The following PRDM5 variants were observed in gnomAD, a reference collection of about 807,000 sequenced individuals.
PRDM5 encodes the protein PR/SET domain 5.
Under a neutral mutation model 81.2 loss-of-function variants are expected in PRDM5, and 56 were observed. The observed-to-expected ratio is 0.69, with a 90% CI of 0.56 to 0.86. PRDM5 has a LOEUF of 0.86. PRDM5 is among the 40% of genes least tolerant of loss of function. PRDM5 has a pLI of 0.00. For missense variants in PRDM5, 697 were observed against 770.1 expected, an observed-to-expected ratio of 0.91 and a Z score of 1.12; for synonymous variants, 267 against 256.4, an observed-to-expected ratio of 1.04 and a Z score of -0.39.
intron 15 of PRDM5, among the ~76,000 whole-genome samples, chr4:120,704,610 T>C (rs1200256359): frequency 6.6e-6 from 1 of 152,228 alleles, no homozygotes; most frequent in Non-Finnish European, 1.5e-5. Flanking sequence ...CCACTTCTGC[T>C]AGGAACAAAA....
intron 7 of PRDM5, among the ~76,000 whole-genome samples, chr4:120,814,899 T>A (rs977023025): frequency 6.6e-6 from 1 of 152,178 alleles, no homozygotes; most frequent in Non-Finnish European, 1.5e-5. Flanking sequence ...AAAATATATA[T>A]AAAACAAGAT....
At chr4:120,894,230 T>G (rs943790872) in intron 2 of PRDM5, among the ~76,000 whole-genome samples, 2 of 152,220 alleles carry the variant, frequency 1.3e-5, no homozygotes, top group African/African-American at 4.8e-5. Context: ...ACTTAATAAA[T>G]TTACTTACTA....
In PRDM5 at chr4:120,853,671, G is replaced by A. The variant is rs934192605; in HGVS notation, c.178-131C>T. Reference sequence around the variant, plus strand: ...ATTGATGGGTGATAAATAGAAGTTGGACTAACATGCATTCTTCTCTTAAAC... The same window carrying A: ...ATTGATGGGTGATAAATAGAAGTTGAACTAACATGCATTCTTCTCTTAAAC... On this transcript the variant is annotated intron_variant, in intron 2 of 15. Transcript: ENST00000264808. 23 of 1,171,576 alleles carry A rather than the reference G, an allele frequency of 2.0e-5. No homozygotes were observed. The African/African-American group carries it at 3.2e-4, about 16-fold the overall frequency. The allele number at this position is 1,171,576 out of a possible 1,614,324, so 72.6% of individuals were successfully genotyped here.
At chr4:120,861,992 A>C (rs1438308546) in intron 2 of PRDM5, among the ~76,000 whole-genome samples, 1 of 152,146 alleles carries the variant, frequency 6.6e-6, no homozygotes, top group Non-Finnish European at 1.5e-5. Flanking sequence ...AGTTTTCTAA[A>C]GCTATTAAAA....
At chr4:120,794,232 C>T (rs1751011876) in intron 10 of PRDM5, among the ~76,000 whole-genome samples, 1 of 152,096 alleles carries the variant, frequency 6.6e-6, no homozygotes, top group South Asian at 2.1e-4. Context: ...GAAGAGTAAC[C>T]TGATGCAAAA....
chr4:120,729,083 A>G (rs1317945051), intron 14 of PRDM5, among the ~76,000 whole-genome samples: 1 of 152,170 alleles, frequency 6.6e-6, no homozygotes, highest in African/African-American at 2.4e-5. Flanking sequence ...ATAGAGATGA[A>G]GTCTCAAGCA....
chr4:120,716,295 A>T (rs1188025861), intron 14 of PRDM5, among the ~76,000 whole-genome samples: 7 of 152,180 alleles, frequency 4.6e-5, no homozygotes, highest in African/African-American at 1.7e-4. Context: ...TTATATATGC[A>T]TGTTGGCAGA....
chr4:120,701,857 T>G (rs1735423019), intron 15 of PRDM5, among the ~76,000 whole-genome samples: 1 of 152,110 alleles, frequency 6.6e-6, no homozygotes, highest in Admixed American at 6.6e-5. Flanking sequence ...AGAGGTAATT[T>G]TTTCTTCCCA....
At chr4:120,866,725 C>T (rs1010294684) in intron 2 of PRDM5, among the ~76,000 whole-genome samples, 7 of 152,162 alleles carry the variant, frequency 4.6e-5, no homozygotes, top group African/African-American at 1.7e-4. Context: ...AATACACTCA[C>T]TACCTTGGTC....
intron 10 of PRDM5, among the ~76,000 whole-genome samples, chr4:120,793,241 C>T (rs1750844575): frequency 6.6e-6 from 1 of 152,080 alleles, no homozygotes; most frequent in South Asian, 2.1e-4. Context: ...TTGTGAACTG[C>T]ACACACAAGG....
chr4:120,794,775 C>A (rs1309208840), intron 10 of PRDM5, among the ~76,000 whole-genome samples: 1 of 152,078 alleles, frequency 6.6e-6, no homozygotes. Context: ...AGGCGTGCGC[C>A]ACAACACCCG....
chr4:120,812,510 T>G (rs1753985298), intron 7 of PRDM5: 1 of 167,368 alleles, frequency 6.0e-6, no homozygotes, highest in Non-Finnish European at 1.3e-5. Flanking sequence ...GATTTGCATT[T>G]TTTTCTGATG....
At chr4:120,863,359 C>T (rs1340374065) in intron 2 of PRDM5, among the ~76,000 whole-genome samples, 1 of 151,660 alleles carries the variant, frequency 6.6e-6, no homozygotes, top group Non-Finnish European at 1.5e-5. Context: ...ACACCTACTA[C>T]GTACTGTAAT....
chr4:120,829,478 T>C (rs1756449824), intron 3 of PRDM5, among the ~76,000 whole-genome samples: 1 of 152,130 alleles, frequency 6.6e-6, no homozygotes, highest in Non-Finnish European at 1.5e-5. Context: ...TCTATCCTAA[T>C]GAACTCATGC....
chr4:120,735,115 C>T (rs1017065497), intron 14 of PRDM5, among the ~76,000 whole-genome samples: 1 of 152,176 alleles, frequency 6.6e-6, no homozygotes, highest in Non-Finnish European at 1.5e-5. Context: ...CATGTAACAA[C>T]TGTTTGAAGT....
At chr4:120,879,799 T>C (rs760844204) in intron 2 of PRDM5, among the ~76,000 whole-genome samples, 91 of 151,990 alleles carry the variant, frequency 6.0e-4, no homozygotes, top group South Asian at 1.5e-3. Flanking sequence ...CAATTGATTA[T>C]GAGATTCTGG....
At position 120,886,490 on chromosome 4, in the gene PRDM5, T is replaced by C. The variant is rs538879655; in HGVS notation, c.177+20984A>G. Among the ~76,000 whole-genome samples the C allele has an allele frequency of 5.3e-5, 8 of 152,246 alleles. No homozygotes were observed. In the South Asian group the frequency reaches 1.5e-3, roughly 28 times the overall value. On this transcript the variant is annotated intron_variant, in intron 2 of 15. Coordinates refer to ENST00000264808, the MANE Select transcript of PRDM5 (RefSeq NM_018699.4). ...CAATCTGCTCCTTTAAAGACTATAT[T>C]TCAGTCAAATCAACATCATCATGAA...
rs1487385598 is a variant in PRDM5, at chr4:120,744,929, T to G, written c.1623+9624A>C. ...AGAGGGAATCCTCCCTAACTCATTTTATAAGGCCAGCATCATTCTGATACC... is the reference window on the plus strand; with the variant it reads ...AGAGGGAATCCTCCCTAACTCATTTGATAAGGCCAGCATCATTCTGATACC... On this transcript the variant is annotated intron_variant, in intron 14 of 15. Coordinates refer to ENST00000264808, the MANE Select transcript of PRDM5 (RefSeq NM_018699.4). Among the ~76,000 whole-genome samples, 5 of 117,766 alleles carry G rather than the reference T, an allele frequency of 4.2e-5. No homozygotes were observed. In the East Asian group the frequency reaches 1.2e-3, roughly 29 times the overall value. The allele number at this position is 117,766 out of a possible 152,430, so 77.3% of individuals were successfully genotyped here. A position where few individuals can be genotyped will look rare whatever the true frequency, so the allele number is the denominator to read the frequency against.
At position 120,818,547 on chromosome 4, in the gene PRDM5, C is replaced by T; in HGVS notation, c.476-20G>A. 1 of 1,605,226 alleles carries T rather than the reference C, an allele frequency of 6.2e-7. No homozygotes were observed. The highest frequency in any genetic ancestry group is 8.5e-7 in the Non-Finnish European group (1 of 1,172,046). On this transcript the variant is annotated intron_variant, in intron 4 of 15. Transcript: ENST00000264808. ...GGCGATCTGCACATTCACAAGGAAA[C>T]ATATTCATGAGACAAAAATTCAGAG...
Sources: gnomAD v4.1 joint callset for allele counts (sites outside exome capture counted in the v4.1 genomes callset) on GRCh38, gnomAD v4.1.1 for gene constraint, MANE v1.5 for transcripts, NCBI Gene and HGNC (gene_info 2026-07-23, HGNC 2026-07-21) for gene names.